MICAL3: variants seen among roughly 807,000 people sequenced by gnomAD.
The protein encoded by MICAL3 is microtubule associated monooxygenase, calponin and LIM domain containing 3, also known as [F-actin]-monooxygenase MICAL3.
MICAL3 carries 62 observed loss-of-function variants against 207.4 expected under a neutral mutation model. The ratio of observed to expected loss-of-function variants is 0.30; its 90% CI spans 0.24 to 0.37. The LOEUF is 0.37. MICAL3 is among the 10% of genes least tolerant of loss of function. The pLI, the probability that MICAL3 is intolerant of heterozygous loss-of-function variation, is 1.00. For synonymous variants in MICAL3, 1,077 were observed against 1,069.3 expected, an observed-to-expected ratio of 1.01 and a Z score of -0.14; for missense variants, 2,368 against 2,635.6, an observed-to-expected ratio of 0.90 and a Z score of 2.22.
chr22:17,898,345 C>T (rs892940729), intron 7 of MICAL3, among the ~76,000 whole-genome samples: 2 of 152,230 alleles, frequency 1.3e-5, no homozygotes, highest in African/African-American at 4.8e-5. Context: ...ATACGTCTTG[C>T]TTATGCTTTT....
At position 17,984,779 on chromosome 22, in the gene MICAL3, G is replaced by C. The variant is rs1006045573; in HGVS notation, c.-75+39502C>G. ...GCATTTTATAAATATAAATTCATTT[G>C]ATCCTCACAAAAATTCTGAGTTAGG... On this transcript the variant is annotated intron_variant, in intron 1 of 31. Transcript: ENST00000441493. Among the ~76,000 whole-genome samples the C allele has an allele frequency of 4.3e-4, 65 of 152,178 alleles. 3 individuals carry two copies. The highest frequency in any genetic ancestry group is 1.5e-5 in the Non-Finnish European group (1 of 68,052).
chr22:17,861,782 A>G, intron 19 of MICAL3: 1 of 985,184 alleles, frequency 1.0e-6, no homozygotes, highest in Non-Finnish European at 1.2e-6. Flanking sequence ...TATTAAAAGC[A>G]CATTACAAAC....
At chr22:17,837,936 C>A (rs115407166) in intron 20 of MICAL3, among the ~76,000 whole-genome samples, 2,681 of 152,296 alleles carry the variant, frequency 0.018, 81 homozygotes, top group African/African-American at 0.058. Context: ...CTTGCTTCAG[C>A]CTCCTGAGGA....
At chr22:18,015,064 C>A (rs929477375) in intron 1 of MICAL3, among the ~76,000 whole-genome samples, 3 of 152,010 alleles carry the variant, frequency 2.0e-5, no homozygotes, top group African/African-American at 7.2e-5. Context: ...TTTTCCCAGG[C>A]CTGTGATTGT....
intron 16 of MICAL3, among the ~76,000 whole-genome samples, chr22:17,878,657 T>C (rs192828633): frequency 2.0e-5 from 3 of 152,292 alleles, no homozygotes; most frequent in African/African-American, 7.2e-5. Context: ...CTGTACCCAC[T>C]TGGAGATCTT....
chr22:17,882,439 C>T (rs138756600), intron 16 of MICAL3, among the ~76,000 whole-genome samples: 148 of 152,276 alleles, frequency 9.7e-4, no homozygotes, highest in African/African-American at 3.3e-3. Flanking sequence ...AAGGGAGATG[C>T]GGAGGGCCAG....
At chr22:17,877,558 T>TGGAGGTGAGGGAGGTTATGGAGGTTAG (rs1440808974) in intron 16 of MICAL3, among the ~76,000 whole-genome samples, 1 of 72,250 alleles carries the variant, frequency 1.4e-5, no homozygotes, top group African/African-American at 4.2e-5. Context: ...AGGGAGGTTA[T>TGGAGGTGAGGGAGGTTATGGAGGTTAG]GGAGGTTAGG....
At chr22:17,944,060 C>T (rs1048646461) in intron 1 of MICAL3, among the ~76,000 whole-genome samples, 4 of 152,160 alleles carry the variant, frequency 2.6e-5, no homozygotes, top group East Asian at 1.9e-4. Context: ...CAGTGCTCCC[C>T]GCCAAGGACA....
rs535760524 is a variant in MICAL3, at chr22:17,958,675, C to A, written c.-74-51789G>T. Among the ~76,000 whole-genome samples, 189 of 151,966 alleles carry A rather than the reference C, an allele frequency of 1.2e-3. 1 individual carries two copies. The highest frequency in any genetic ancestry group is 2.0e-3 in the Non-Finnish European group (134 of 67,984). On this transcript the variant is annotated intron_variant, in intron 1 of 31. Coordinates refer to ENST00000441493, the MANE Select transcript of MICAL3 (RefSeq NM_015241.3). Reference sequence around the variant, plus strand: ...GAAGCAGGGCAGCCTGGTCTCAGGGCCTGTTGTTTTTGAGTTGTTGGGTTT... The same window carrying A: ...GAAGCAGGGCAGCCTGGTCTCAGGGACTGTTGTTTTTGAGTTGTTGGGTTT...
chr22:17,893,749 G>A (rs148356311), intron 11 of MICAL3, 59 bp downstream of exon 11: 1 of 1,211,814 alleles, frequency 8.3e-7, no homozygotes, highest in Admixed American at 2.0e-5. Context: ...CTCAGGGAAT[G>A]AGTATAGACT....
intron 5 of MICAL3, 94 bp downstream of exon 5, chr22:17,901,784 G>C: frequency 2.3e-6 from 2 of 873,562 alleles, no homozygotes; most frequent in Non-Finnish European, 3.5e-6. Flanking sequence ...CTCTCAAAAG[G>C]GTGGACGCTG....
At chr22:18,021,076 ACT>A (rs1924443840) in intron 1 of MICAL3, among the ~76,000 whole-genome samples, 1 of 152,238 alleles carries the variant, frequency 6.6e-6, no homozygotes. Flanking sequence ...CACTAGTCCC[ACT>A]CTGAGTTTAG....
intron 19 of MICAL3, among the ~76,000 whole-genome samples, chr22:17,846,651 G>A (rs1029586513): frequency 1.3e-5 from 2 of 152,324 alleles, no homozygotes; most frequent in South Asian, 4.1e-4. Flanking sequence ...TTGCCAAGCC[G>A]AAGTGCACCC....
At chr22:17,908,798 T>C (rs190217455) in intron 1 of MICAL3, among the ~76,000 whole-genome samples, 1 of 152,300 alleles carries the variant, frequency 6.6e-6, no homozygotes, top group Admixed American at 6.5e-5. Flanking sequence ...AAGGGAGTGG[T>C]TGATGCACTA....
chr22:17,898,236 C>T (rs1399851808), intron 7 of MICAL3, among the ~76,000 whole-genome samples: 1 of 152,232 alleles, frequency 6.6e-6, no homozygotes, highest in African/African-American at 2.4e-5. Context: ...TGTCCCAAGG[C>T]GTACGAACTG....
At chr22:17,981,413 A>C (rs1019242509) in intron 1 of MICAL3, among the ~76,000 whole-genome samples, 1 of 152,224 alleles carries the variant, frequency 6.6e-6, no homozygotes, top group Non-Finnish European at 1.5e-5. Flanking sequence ...GCTGAACTGG[A>C]CACTAGTTTC....
intron 20 of MICAL3, chr22:17,839,781 T>A (rs1015449399): frequency 6.6e-6 from 1 of 152,086 alleles, no homozygotes; most frequent in Non-Finnish European, 1.5e-5. Flanking sequence ...TTGGCCAGGC[T>A]GGTCTCGAAC....
intron 29 of MICAL3, chr22:17,791,770 C>T (rs1052361842): frequency 5.6e-6 from 1 of 177,826 alleles, no homozygotes; most frequent in African/African-American, 2.4e-5. Context: ...GGCTACTGCC[C>T]CTCTCCAGGG....
At chr22:17,951,235 A>G (rs910155283) in intron 1 of MICAL3, among the ~76,000 whole-genome samples, 12 of 152,184 alleles carry the variant, frequency 7.9e-5, no homozygotes, top group African/African-American at 2.9e-4. Context: ...AGGGTGGTAC[A>G]GCCGGGAGCA....
Sources: gnomAD v4.1 joint callset for allele counts (sites outside exome capture counted in the v4.1 genomes callset) on GRCh38, gnomAD v4.1.1 for gene constraint, MANE v1.5 for transcripts, NCBI Gene and HGNC (gene_info 2026-07-23, HGNC 2026-07-21) for gene names.